Variants in CCDC171 observed in about 807,000 individuals in gnomAD.
CCDC171 encodes the protein coiled-coil domain containing 171.
Under a neutral mutation model 168.2 loss-of-function variants are expected in CCDC171, and 177 were observed. The ratio of observed to expected loss-of-function variants is 1.05; its 90% confidence interval spans 0.93 to 1.19. CCDC171 has a LOEUF of 1.19. Ranked by LOEUF, CCDC171 falls within the 50% of genes most tolerant of loss-of-function variation. The pLI, the probability that CCDC171 is intolerant of heterozygous loss-of-function variation, is 0.00. For synonymous variants in CCDC171, 687 were observed against 540.8 expected, an observed-to-expected ratio of 1.27 and a Z score of -3.75; for missense variants, 1,991 against 1,539.0, an observed-to-expected ratio of 1.29 and a Z score of -4.91.
intron 3 of CCDC171, among the ~76,000 whole-genome samples, chr9:16,014,045 G>T (rs368137721): frequency 2.2e-4 from 33 of 152,274 alleles, no homozygotes; most frequent in South Asian, 1.2e-3. Flanking sequence ...TTCACAAAAG[G>T]TTTCTCTGCA....
At chr9:16,010,758 A>AAC (rs1554711520) in intron 3 of CCDC171, among the ~76,000 whole-genome samples, 9 of 149,362 alleles carry the variant, frequency 6.0e-5, no homozygotes, top group Admixed American at 4.0e-4. Flanking sequence ...TTAAAAAAAA[A>AAC]AACCCAAACC....
At chr9:15,602,567 CAT>C (rs899599206) in intron 6 of CCDC171, among the ~76,000 whole-genome samples, 1 of 120,264 alleles carries the variant, frequency 8.3e-6, no homozygotes, top group Non-Finnish European at 1.8e-5. Context: ...GGAATATTAA[CAT>C]GAGTGAATTC....
In CCDC171 at chr9:15,576,159, GTA is replaced by G. The variant is rs1272335238; in HGVS notation, c.178-2685_178-2684del. 7.2e-4 allele frequency among the ~76,000 whole-genome samples: 101 copies of G among 139,838 alleles called. 1 individual carries two copies. Among genetic ancestry groups the G allele is most frequent in the South Asian group, 6.7e-3 (28 of 4,208 alleles). 91.7% of individuals were successfully genotyped at this position (139,838 alleles called of 152,430 possible). ...TGTGTGTGTGTGTGTGTGTGTGTGT[GTA>G]TATACATGTATATATATTTGTTGTT... On this transcript the variant is annotated intron_variant, in intron 3 of 25. Coordinates refer to ENST00000380701, the MANE Select transcript of CCDC171 (RefSeq NM_173550.4).
At chr9:15,791,871 G>C (rs1394833706) in intron 21 of CCDC171, among the ~76,000 whole-genome samples, 1 of 152,010 alleles carries the variant, frequency 6.6e-6, no homozygotes, top group Non-Finnish European at 1.5e-5. Flanking sequence ...ACAAAGATAG[G>C]GAAAAAACAG....
chr9:15,648,521 C>A (rs1358206271), intron 7 of CCDC171, among the ~76,000 whole-genome samples: 1 of 152,192 alleles, frequency 6.6e-6, no homozygotes, highest in African/African-American at 2.4e-5. Context: ...CCCAAAATCT[C>A]CTTAAGCTGA....
rs1483797420 is a variant in CCDC171 at position 15,818,565 on chromosome 9, C to A, written c.3268-28137C>A. Among the ~76,000 whole-genome samples the A allele has an allele frequency of 1.7e-5, 2 of 118,296 alleles. 1 individual carries two copies. The highest frequency in any genetic ancestry group is 3.8e-5 in the Non-Finnish European group (2 of 52,616). 77.6% of individuals were successfully genotyped at this position (118,296 alleles called of 152,430 possible). The stretch of plus-strand genomic sequence containing the variant: ...GTGATAAATGCACAAGCCTCAGTAG[C>A]TGATTCGATCAACTAGAAGAAAGTA... On this transcript the variant is annotated intron_variant, in intron 21 of 25. Coordinates refer to ENST00000380701, the MANE Select transcript of CCDC171 (RefSeq NM_173550.4).
At chr9:15,954,202 C>T (rs1829532289) in intron 25 of CCDC171, among the ~76,000 whole-genome samples, 3 of 146,062 alleles carry the variant, frequency 2.1e-5, no homozygotes, top group African/African-American at 5.0e-5. Context: ...AATCTTTTTT[C>T]CCCCTTCCTT....
At chr9:16,103,486 G>C in the CCDC171 span, among the ~76,000 whole-genome samples, 1 of 152,230 alleles carries the variant, frequency 6.6e-6, no homozygotes, top group South Asian at 2.1e-4. Flanking sequence ...CAATGTAAAA[G>C]CAAGTGATGG....
intron 4 of CCDC171, among the ~76,000 whole-genome samples, chr9:15,590,022 C>G (rs2041866701): frequency 6.6e-6 from 1 of 152,172 alleles, no homozygotes; most frequent in African/African-American, 2.4e-5. Context: ...AGTAGACCTA[C>G]TGCAGGCATA....
intron 2 of CCDC171, among the ~76,000 whole-genome samples, chr9:15,571,349 A>G (rs890174031): frequency 8.5e-5 from 13 of 152,306 alleles, no homozygotes; most frequent in African/African-American, 3.1e-4. Context: ...CCAGCTTGTG[A>G]TATGATCAGA....
intron 24 of CCDC171, among the ~76,000 whole-genome samples, chr9:15,894,569 T>C (rs1820657157): frequency 6.6e-6 from 1 of 152,048 alleles, no homozygotes; most frequent in South Asian, 2.1e-4. Context: ...GCCCTGCTGC[T>C]CTCCAACTCC....
intron 16 of CCDC171, among the ~76,000 whole-genome samples, chr9:15,733,826 T>A (rs2054306259): frequency 6.6e-6 from 1 of 152,176 alleles, no homozygotes. Flanking sequence ...TTGAGTATGG[T>A]GGCACAGTCA....
At chr9:15,617,485 T>C (rs903479376) in intron 6 of CCDC171, among the ~76,000 whole-genome samples, 1 of 151,722 alleles carries the variant, frequency 6.6e-6, no homozygotes, top group African/African-American at 2.4e-5. Flanking sequence ...CATGCCATTC[T>C]CCTGCCTCAG....
rs575241205 is a variant in CCDC171 at position 15,613,671 on chromosome 9, C to T, written c.676-9596C>T. ...CCAAGTAGCTGGGATTACAGGCATG[C>T]GCCACCATGCCCGGCTAATTTTTTT... On this transcript the variant is annotated intron_variant, in intron 6 of 25. Transcript: ENST00000380701. Among the ~76,000 whole-genome samples, 218 of 151,868 alleles carry T rather than the reference C, an allele frequency of 1.4e-3. 1 individual carries two copies. The highest frequency in any genetic ancestry group is 4.4e-3 in the African/African-American group (182 of 41,454).
chr9:15,846,582 T>G (rs2060904312), intron 21 of CCDC171, 120 bp from the exon 22 acceptor site: 8 of 925,924 alleles, frequency 8.6e-6, no homozygotes, highest in Non-Finnish European at 1.3e-5. Flanking sequence ...AACTTTGATG[T>G]GTAATGACCC....
intron 3 of CCDC171, among the ~76,000 whole-genome samples, chr9:16,006,144 G>A (rs1832688906): frequency 1.3e-5 from 2 of 152,158 alleles, no homozygotes; most frequent in Admixed American, 6.6e-5. Context: ...TTACAGGAGT[G>A]AGCCTCTCTG....
At chr9:15,952,684 A>G (rs544491954) in intron 25 of CCDC171, among the ~76,000 whole-genome samples, 2 of 152,236 alleles carry the variant, frequency 1.3e-5, no homozygotes, top group South Asian at 2.1e-4. Context: ...GGCATGAGCC[A>G]CCGCGCGCGG....
intron 23 of CCDC171, among the ~76,000 whole-genome samples, chr9:15,853,362 T>A (rs1254044685): frequency 6.6e-6 from 1 of 151,672 alleles, no homozygotes; most frequent in African/African-American, 2.4e-5. Context: ...ACTGTTTTCT[T>A]AAGTCTAATT....
chr9:15,943,415 G>C (rs771707691), intron 25 of CCDC171, among the ~76,000 whole-genome samples: 1 of 151,958 alleles, frequency 6.6e-6, no homozygotes, highest in Non-Finnish European at 1.5e-5. Context: ...TGGGAACATT[G>C]TATGTTTAAA....
Sources: allele counts gnomAD v4.1 joint callset (sites outside exome capture counted in the v4.1 genomes callset), GRCh38; gene constraint gnomAD v4.1.1; transcripts MANE v1.5; gene names NCBI Gene and HGNC (gene_info 2026-07-23, HGNC 2026-07-21).